The following THNSL1 variants were observed in gnomAD, a reference collection of about 807,000 sequenced individuals.
THNSL1 encodes the protein threonine synthase like 1.
In THNSL1, 48 loss-of-function variants were observed where a neutral mutation model predicts 50.4. The observed-to-expected ratio is 0.95, with a 90% CI of 0.76 to 1.21. THNSL1 has a LOEUF of 1.21. Ranked by LOEUF, THNSL1 falls within the 50% of genes most tolerant of loss-of-function variation. The pLI is 0.00. For synonymous variants in THNSL1, 309 were observed against 306.1 expected (o/e 1.01, Z -0.10); for missense variants, 896 against 871.7 (o/e 1.03, Z -0.35).
the THNSL1 span, among the ~76,000 whole-genome samples, chr10:24,963,680 G>A: frequency 6.6e-6 from 1 of 151,952 alleles, no homozygotes; most frequent in African/African-American, 2.4e-5. Context: ...GAAAAATTTT[G>A]ACATTAAAAG....
the THNSL1 span, chr10:24,999,573 C>T: frequency 6.4e-7 from 1 of 1,556,576 alleles, no homozygotes; most frequent in South Asian, 1.2e-5. Flanking sequence ...AAAGTTGTAG[C>T]ATTTATACTT....
At chr10:24,966,025 G>T in the THNSL1 span, among the ~76,000 whole-genome samples, 7 of 152,206 alleles carry the variant, frequency 4.6e-5, no homozygotes, top group African/African-American at 1.7e-4. Context: ...GAGAAAATAA[G>T]TTATATTTGG....
the THNSL1 span, among the ~76,000 whole-genome samples, chr10:24,975,019 C>T: frequency 8.3e-4 from 127 of 152,190 alleles, no homozygotes; most frequent in African/African-American, 2.9e-3. Context: ...AGCTGCCTGT[C>T]ATCTCAATAA....
the THNSL1 span, among the ~76,000 whole-genome samples, chr10:24,973,910 C>G: frequency 6.6e-6 from 1 of 152,112 alleles, no homozygotes; most frequent in Admixed American, 6.5e-5. Context: ...TTCGCCACCA[C>G]GCCCGGCTAA....
At chr10:24,983,111 A>C in the THNSL1 span, 17 of 152,312 alleles carry the variant, frequency 1.1e-4, no homozygotes, top group Admixed American at 3.9e-4. Context: ...ACAAAAGGAG[A>C]CTGGGTCCCT....
chr10:24,963,058 G>A, the THNSL1 span, among the ~76,000 whole-genome samples: 1 of 152,132 alleles, frequency 6.6e-6, no homozygotes, highest in Non-Finnish European at 1.5e-5. Flanking sequence ...TGATGTCACT[G>A]GCTTTCCATT....
the THNSL1 span, among the ~76,000 whole-genome samples, chr10:24,957,464 A>ATGTTTGTT: frequency 0.022 from 3,245 of 150,698 alleles, 117 homozygotes; most frequent in African/African-American, 0.073. Flanking sequence ...TTTTGAGTTG[A>ATGTTTGTT]TGTTTGTTTG....
At chr10:24,996,583 G>A in the THNSL1 span, among the ~76,000 whole-genome samples, 2 of 152,000 alleles carry the variant, frequency 1.3e-5, no homozygotes, top group Non-Finnish European at 2.9e-5. Flanking sequence ...CAAATGGTTT[G>A]CCACAATGCA....
At chr10:24,979,461 A>G in the THNSL1 span, among the ~76,000 whole-genome samples, 1 of 152,164 alleles carries the variant, frequency 6.6e-6, no homozygotes, top group Non-Finnish European at 1.5e-5. Context: ...ATTGTCAAGG[A>G]TCTACTTTAG....
the THNSL1 span, among the ~76,000 whole-genome samples, chr10:24,981,112 A>G: frequency 1.3e-5 from 2 of 152,216 alleles, no homozygotes; most frequent in Admixed American, 6.5e-5. Context: ...GCTGAGAGGT[A>G]TTTCTTAATT....
intron 1 of THNSL1, among the ~76,000 whole-genome samples, chr10:25,018,485 A>C (rs1424457863): frequency 1.3e-5 from 2 of 152,202 alleles, no homozygotes; most frequent in African/African-American, 4.8e-5. Flanking sequence ...AAAGCAGCCA[A>C]AGACGGTACT....
chr10:24,978,719 A>G, the THNSL1 span, among the ~76,000 whole-genome samples: 1 of 152,164 alleles, frequency 6.6e-6, no homozygotes, highest in African/African-American at 2.4e-5. Context: ...GTGTTGGTGC[A>G]AATCATTGGT....
At chr10:25,013,063 G>A (rs1484043898), upstream of THNSL1, among the ~76,000 whole-genome samples, 1 of 152,128 alleles carries the variant, frequency 6.6e-6, no homozygotes, top group African/African-American at 2.4e-5. Flanking sequence ...TTATAAAGGG[G>A]AGTTCCCCTG....
chr10:25,023,821 C>G lies in THNSL1; in HGVS notation c.598C>G (p.Arg200Gly), dbSNP rs773887054. ...GTATTATAAGAAGTGGTATGATGCTCGTGTTTTCTGTGAAAGTGGGGCTTC... is the reference window on the plus strand; with the variant it reads ...GTATTATAAGAAGTGGTATGATGCTGGTGTTTTCTGTGAAAGTGGGGCTTC... ...RQYYKKWYDA[R>G]VFCESGASPE... Residue 200 changes from arginine (R) to glycine (G), a missense_variant, in exon 3 of 3, where the codon CGT (arginine) becomes GGT (glycine). Transcript: ENST00000376356. 2 of 1,614,106 alleles carry G rather than the reference C, an allele frequency of 1.2e-6. No homozygotes were observed. Among genetic ancestry groups the G allele is most frequent in the Non-Finnish European group, 1.7e-6 (2 of 1,180,014 alleles).
At chr10:24,998,509 A>C in the THNSL1 span, among the ~76,000 whole-genome samples, 1 of 151,950 alleles carries the variant, frequency 6.6e-6, no homozygotes, top group East Asian at 1.9e-4. Context: ...AGAGTAGTGA[A>C]GACTACAGGT....
the THNSL1 span, among the ~76,000 whole-genome samples, chr10:25,002,132 CA>C: frequency 6.6e-6 from 1 of 152,130 alleles, no homozygotes; most frequent in Admixed American, 6.5e-5. Flanking sequence ...ACTACTGAGG[CA>C]ATATACTTCT....
At chr10:25,002,061 G>C in the THNSL1 span, among the ~76,000 whole-genome samples, 11 of 152,142 alleles carry the variant, frequency 7.2e-5, 1 homozygote, top group Admixed American at 7.2e-4. Flanking sequence ...TCATTTTAAG[G>C]CTTGCTTTAA....
At chr10:24,974,191 A>T in the THNSL1 span, among the ~76,000 whole-genome samples, 1 of 152,226 alleles carries the variant, frequency 6.6e-6, no homozygotes, top group Non-Finnish European at 1.5e-5. Context: ...CCTCAGAAAA[A>T]TATTAGTAAA....
At position 25,023,805 on chromosome 10, in the gene THNSL1, G is replaced by A. The variant is rs200480020; in HGVS notation, c.582G>A (p.Lys194=). The change falls in exon 3 of 3, where the codon AAG becomes AAA. Residue 194 remains lysine (K), a synonymous_variant. Transcript: ENST00000376356. ...DLLKFRRQYY[K]KWYDARVFCE... ...TTAAATTTAGAAGACAGTATTATAAGAAGTGGTATGATGCTCGTGTTTTCT... is the reference window on the plus strand; with the variant it reads ...TTAAATTTAGAAGACAGTATTATAAAAAGTGGTATGATGCTCGTGTTTTCT... The A allele has an allele frequency of 6.2e-7, 1 of 1,614,186 alleles. No individual in the cohort carries two copies. The highest frequency in any genetic ancestry group is 1.1e-5 in the South Asian group (1 of 91,084).
Sources: gnomAD v4.1 joint callset for allele counts (sites outside exome capture counted in the v4.1 genomes callset) on GRCh38, gnomAD v4.1.1 for gene constraint, MANE v1.5 for transcripts, NCBI Gene and HGNC (gene_info 2026-07-23, HGNC 2026-07-21) for gene names.